Variants in SPATA13 observed in about 807,000 individuals in gnomAD.
SPATA13 encodes the protein spermatogenesis-associated protein 13.
Under a neutral mutation model 104.0 loss-of-function variants are expected in SPATA13, and 50 were observed. That is an observed-to-expected ratio of 0.48 (90% CI 0.38 to 0.61). The LOEUF is 0.61. Among genes scored for constraint, SPATA13 ranks in the 20% least tolerant of loss-of-function variants. The pLI is 0.00. For missense variants in SPATA13, 1,524 were observed against 1,690.6 expected, an observed-to-expected ratio of 0.90 and a Z score of 1.73; for synonymous variants, 606 against 667.5, an observed-to-expected ratio of 0.91 and a Z score of 1.42.
intron 4 of SPATA13, among the ~76,000 whole-genome samples, chr13:24,257,262 C>T (rs1438642025): frequency 6.6e-6 from 1 of 152,150 alleles, no homozygotes; most frequent in East Asian, 1.9e-4. Flanking sequence ...GTCCAGTTTA[C>T]TTCGCTGTTA....
At chr13:24,222,330 T>A (rs1372835227) in intron 1 of SPATA13, among the ~76,000 whole-genome samples, 1 of 152,206 alleles carries the variant, frequency 6.6e-6, no homozygotes, top group Non-Finnish European at 1.5e-5. Context: ...CATGTGGGGC[T>A]CCATCTCTGC....
rs145742449 is a variant in SPATA13, at chr13:24,057,114, G to A, written c.-112+39413G>A. On this transcript the variant is annotated intron_variant, in intron 3 of 14. Transcript: ENST00000424834. ...TTATTATTACACTTTAAGTTTTAGG[G>A]TACATGTGCACAATGTGCAGGTTTG... is the stretch of plus-strand genomic sequence containing the variant. Among the ~76,000 whole-genome samples, 100 of 147,788 alleles carry A rather than the reference G, an allele frequency of 6.8e-4. 2 individuals carry two copies. In the East Asian group the frequency reaches 0.016, roughly 24 times the overall value.
At position 24,036,693 on chromosome 13, in the gene SPATA13, ATC is replaced by A. The variant is rs532310855; in HGVS notation, c.-112+18996_-112+18997del. On this transcript the variant is annotated intron_variant, in intron 3 of 14. Coordinates refer to the SPATA13 transcript ENST00000424834. ...TTCTGTGAGATCATAGACAAATTGCATCTCTTCTGTGAAGGCTGCTCTCACCT... is the reference window on the plus strand; with the variant it reads ...TTCTGTGAGATCATAGACAAATTGCATCTTCTGTGAAGGCTGCTCTCACCT... Among the ~76,000 whole-genome samples the A allele has an allele frequency of 9.5e-4, 145 of 152,280 alleles. 1 individual carries two copies. The highest frequency in any genetic ancestry group is 3.4e-3 in the Middle Eastern group (1 of 294).
chr13:24,224,123 T>A lies in SPATA13; in HGVS notation c.1194T>A (p.Ser398=). The change falls in exon 2 of 13, where the codon TCT becomes TCA. Residue 398 remains serine (S), a synonymous_variant. Coordinates refer to ENST00000382108, the MANE Select transcript of SPATA13 (RefSeq NM_001166271.3). The part of the protein sequence containing the change: ...TVAPGFGSAT[S]KGPHLDADTA... Reference sequence around the variant, plus strand: ...CCCCCGGTTTCGGCTCAGCCACCTCTAAGGGGCCCCACCTAGACGCTGACA... The same window carrying A: ...CCCCCGGTTTCGGCTCAGCCACCTCAAAGGGGCCCCACCTAGACGCTGACA... 1.3e-6 allele frequency: 2 copies of A among 1,551,624 alleles called. No individual in the cohort carries two copies. The highest frequency in any genetic ancestry group is 1.4e-5 in the African/African-American group (1 of 73,176).
chr13:24,244,104 C>A (rs1872988436), intron 2 of SPATA13, among the ~76,000 whole-genome samples: 1 of 152,186 alleles, frequency 6.6e-6, no homozygotes. Flanking sequence ...ACTGGCCTTC[C>A]TTGGTGCCCT....
At chr13:24,157,865 G>A (rs1882311142), upstream of SPATA13, among the ~76,000 whole-genome samples, 1 of 152,136 alleles carries the variant, frequency 6.6e-6, no homozygotes, top group Non-Finnish European at 1.5e-5. Flanking sequence ...CTGCTCACCA[G>A]CTGTGTGACC....
chr13:24,093,790 G>C (rs1879981900), intron 3 of SPATA13, among the ~76,000 whole-genome samples: 5 of 152,164 alleles, frequency 3.3e-5, no homozygotes, highest in Admixed American at 3.3e-4. Flanking sequence ...AAAAGATCTA[G>C]GCTGTGGTCA....
chr13:24,098,591 T>C (rs1459363291), intron 3 of SPATA13, among the ~76,000 whole-genome samples: 1 of 102,852 alleles, frequency 9.7e-6, no homozygotes, highest in East Asian at 2.9e-4. Context: ...AGTGAGACTG[T>C]CTTAAAAAAA....
intron 3 of SPATA13, among the ~76,000 whole-genome samples, chr13:24,087,066 G>A (rs1879749242): frequency 1.3e-5 from 2 of 152,170 alleles, no homozygotes; most frequent in African/African-American, 4.8e-5. Context: ...CTCTCATGGG[G>A]TCCCTCCCCC....
chr13:24,165,369 G>A (rs1470991542), intron 1 of SPATA13, among the ~76,000 whole-genome samples: 2 of 152,146 alleles, frequency 1.3e-5, no homozygotes, highest in Admixed American at 6.5e-5. Flanking sequence ...CAGGAGAGGG[G>A]AAGGGCCAGC....
At chr13:24,265,943 G>A (rs560209999) in intron 4 of SPATA13, among the ~76,000 whole-genome samples, 68 of 152,220 alleles carry the variant, frequency 4.5e-4, no homozygotes, top group Non-Finnish European at 7.9e-4. Flanking sequence ...CACTTAATTC[G>A]GAGGTGATCA....
intron 5 of SPATA13, among the ~76,000 whole-genome samples, chr13:24,285,365 G>C (rs1018344327): frequency 6.6e-6 from 1 of 152,172 alleles, no homozygotes; most frequent in African/African-American, 2.4e-5. Context: ...CATAACTTTA[G>C]TAGGCTTGGC....
At chr13:24,151,416 A>G (rs1229911381) in intron 3 of SPATA13, among the ~76,000 whole-genome samples, 3 of 152,254 alleles carry the variant, frequency 2.0e-5, no homozygotes, top group Non-Finnish European at 4.4e-5. Flanking sequence ...GAAATATGCA[A>G]CACAGTGCCT....
At position 24,286,371 on chromosome 13, in the gene SPATA13, G is replaced by C; in HGVS notation, c.2459G>C (p.Trp820Ser). The change falls in exon 6 of 13, where the codon TGG (tryptophan) becomes TCG (serine). Residue 820 changes from tryptophan to serine, a missense_variant. Around this residue, in one of 2 missense-constraint regions of SPATA13, gnomAD observed 1,089 missense variants for 1,135.9 expected, o/e 0.96. Coordinates refer to ENST00000382108, the MANE Select transcript of SPATA13 (RefSeq NM_001166271.3). This position sits in a 1 kb window ranked among gnomAD's most constrained non-coding sequence, Gnocchi z 4.9. Reference protein sequence around the residue: ...WWGRSEDKEAWFPASFVRLRV... With the variant: ...WWGRSEDKEASFPASFVRLRV... ...GGCCGCAGTGAAGATAAGGAAGCCT[G>C]GTTCCCCGCGAGCTTCGTCAGAGTA... 1 of 1,612,530 alleles carries C rather than the reference G, an allele frequency of 6.2e-7. No homozygotes were observed. Among genetic ancestry groups the C allele is most frequent in the Non-Finnish European group, 8.5e-7 (1 of 1,179,970 alleles).
intron 1 of SPATA13, 80 bp from the exon 2 acceptor site, chr13:24,222,739 G>A: frequency 8.1e-7 from 1 of 1,240,254 alleles, no homozygotes; most frequent in Non-Finnish European, 1.1e-6. Flanking sequence ...GCCCTGTGCT[G>A]GAGCGTGCCT....
intron 3 of SPATA13, among the ~76,000 whole-genome samples, chr13:24,098,463 G>A (rs1443398477): frequency 2.0e-5 from 3 of 151,996 alleles, no homozygotes; most frequent in Non-Finnish European, 4.4e-5. Context: ...CAGGTGTGGT[G>A]GTGCAAGCCT....
intron 2 of SPATA13, among the ~76,000 whole-genome samples, chr13:23,999,397 C>T (rs774665053): frequency 3.6e-5 from 3 of 82,632 alleles, no homozygotes; most frequent in East Asian, 2.5e-4. Flanking sequence ...AAAGCCTGTT[C>T]GGATATTGAT....
At position 24,027,440 on chromosome 13, in the gene SPATA13, C is replaced by G. The variant is rs375348354; in HGVS notation, c.-112+9739C>G. Reference sequence around the variant, plus strand: ...GAGCCACCATGCCTGGCTGCCTTTTCTTTTTTTTTCAAACTTGCCAGAGGT... The same window carrying G: ...GAGCCACCATGCCTGGCTGCCTTTTGTTTTTTTTTCAAACTTGCCAGAGGT... On this transcript the variant is annotated intron_variant, in intron 3 of 14. Coordinates refer to the SPATA13 transcript ENST00000424834. Among the ~76,000 whole-genome samples the G allele has an allele frequency of 2.7e-5, 4 of 150,848 alleles. No homozygotes were observed. In the East Asian group the frequency reaches 7.8e-4, roughly 29 times the overall value.
At position 24,192,478 on chromosome 13, in the gene SPATA13, G is replaced by A. The variant is rs531655469; in HGVS notation, c.-111-30341G>A. Among the ~76,000 whole-genome samples the A allele has an allele frequency of 8.5e-5, 13 of 152,110 alleles. No homozygotes were observed. In the East Asian group the frequency reaches 2.3e-3, roughly 27 times the overall value. On this transcript the variant is annotated intron_variant, in intron 1 of 12. Coordinates refer to ENST00000382108, the MANE Select transcript of SPATA13 (RefSeq NM_001166271.3). ...TCCTCCTCCTACCCGCTGAAACAGC[G>A]TCTTCCTCAGAATACTGTTTCCAGC...
Sources: gnomAD v4.1 joint callset for allele counts (sites outside exome capture counted in the v4.1 genomes callset) on GRCh38, gnomAD v4.1.1 for gene constraint, gnomAD v4.1.1 regional missense constraint, Gnocchi (gnomAD v3.1) non-coding constraint, MANE v1.5 for transcripts, NCBI Gene and HGNC (gene_info 2026-07-23, HGNC 2026-07-21) for gene names.